CSMD1: variants seen among roughly 807,000 people sequenced by gnomAD.
CSMD1 encodes CUB and sushi domain-containing protein 1.
In CSMD1, 213 loss-of-function variants were observed where a neutral mutation model predicts 417.5. The observed-to-expected ratio is 0.51, with a 90% confidence interval of 0.46 to 0.57. The LOEUF is 0.57. Among genes scored for constraint, CSMD1 ranks in the 20% least tolerant of loss-of-function variants. The probability of loss-of-function intolerance (pLI) is 0.00; values close to 1 mark genes in which losing one functional copy is unlikely to be tolerated. For synonymous variants in CSMD1, 2,862 were observed against 1,736.8 expected (o/e 1.65, Z -16.11); for missense variants, 6,923 against 4,529.7 (o/e 1.53, Z -15.17).
chr8:4,402,777 G>A (rs1333441832), intron 3 of CSMD1, among the ~76,000 whole-genome samples: 1 of 146,176 alleles, frequency 6.8e-6, no homozygotes, highest in South Asian at 2.2e-4. Context: ...TTGATGCTGT[G>A]AGTATAATGT....
At chr8:4,284,399 G>C (rs1342609204) in intron 3 of CSMD1, among the ~76,000 whole-genome samples, 1 of 100,978 alleles carries the variant, frequency 9.9e-6, no homozygotes, top group Admixed American at 1.6e-4. Context: ...AAAGAGAAAG[G>C]TTGTTCTTCA....
chr8:4,551,175 C>T (rs1351035924), intron 2 of CSMD1, among the ~76,000 whole-genome samples: 1 of 152,134 alleles, frequency 6.6e-6, no homozygotes, highest in Non-Finnish European at 1.5e-5. Context: ...TTACCTTCCA[C>T]GGACTCAGCT....
At chr8:4,183,222 T>C (rs916320377) in intron 3 of CSMD1, among the ~76,000 whole-genome samples, 5 of 152,118 alleles carry the variant, frequency 3.3e-5, no homozygotes, top group African/African-American at 1.2e-4. Context: ...GTTTGGAAAA[T>C]GGAGAAGATC....
chr8:3,730,464 G>A (rs965064745), intron 6 of CSMD1, among the ~76,000 whole-genome samples: 47 of 149,912 alleles, frequency 3.1e-4, no homozygotes, highest in African/African-American at 1.1e-3. Context: ...GTCTAAGAAG[G>A]CTCTCAAGAG....
At chr8:4,603,021 G>T (rs1292338418) in intron 2 of CSMD1, among the ~76,000 whole-genome samples, 1 of 151,782 alleles carries the variant, frequency 6.6e-6, no homozygotes, top group Non-Finnish European at 1.5e-5. Flanking sequence ...ATAAAATATT[G>T]ATTCTCCAAC....
intron 5 of CSMD1, among the ~76,000 whole-genome samples, chr8:3,795,080 C>T (rs74688809): frequency 0.75 from 68,062 of 90,376 alleles, 27,293 homozygotes; most frequent in Middle Eastern, 0.82. Flanking sequence ...CTATCATGTA[C>T]AGCTATAGAT....
At position 3,559,035 on chromosome 8, in the gene CSMD1, G is replaced by A. The variant is rs117989504; in HGVS notation, c.1344+15910C>T. On this transcript the variant is annotated intron_variant, in intron 10 of 69. Transcript: ENST00000635120. ...TCTGGTGACCTGTCATGAAAGATTG[G>A]TGACATGTAAAGGACCATGGAGAAG... Among the ~76,000 whole-genome samples, 84 of 152,304 alleles carry A rather than the reference G, an allele frequency of 5.5e-4. No individual in the cohort carries two copies. The East Asian group carries it at 0.016, about 29-fold the overall frequency.
At chr8:3,282,291 G>C (rs1459070461) in intron 26 of CSMD1, among the ~76,000 whole-genome samples, 2 of 152,092 alleles carry the variant, frequency 1.3e-5, no homozygotes, top group East Asian at 3.9e-4. Flanking sequence ...CAGGGAGGAG[G>C]CTGTGTGCTG....
At chr8:4,004,495 T>A (rs1815953089) in intron 4 of CSMD1, among the ~76,000 whole-genome samples, 1 of 152,046 alleles carries the variant, frequency 6.6e-6, no homozygotes, top group African/African-American at 2.4e-5. Flanking sequence ...TATATCTGGA[T>A]TTTTGTGTTA....
intron 3 of CSMD1, among the ~76,000 whole-genome samples, chr8:4,105,635 G>C (rs910278143): frequency 6.6e-6 from 1 of 152,206 alleles, no homozygotes; most frequent in Non-Finnish European, 1.5e-5. Context: ...AAGGGGATTG[G>C]AGTAGCAGGT....
chr8:4,098,709 C>G (rs995512825), intron 3 of CSMD1, among the ~76,000 whole-genome samples: 1 of 152,202 alleles, frequency 6.6e-6, no homozygotes, highest in African/African-American at 2.4e-5. Flanking sequence ...AGCACCTACT[C>G]TAGGTTTATT....
chr8:4,388,227 T>C (rs948364750), intron 3 of CSMD1, among the ~76,000 whole-genome samples: 1 of 151,972 alleles, frequency 6.6e-6, no homozygotes, highest in Non-Finnish European at 1.5e-5. Flanking sequence ...CATGCGTGTT[T>C]ACAGTGGAAT....
chr8:3,109,842 C>G (rs1816385688), intron 43 of CSMD1, among the ~76,000 whole-genome samples: 1 of 151,588 alleles, frequency 6.6e-6, no homozygotes, highest in Admixed American at 6.6e-5. Context: ...CCACACACAC[C>G]ACACAGACAC....
At chr8:4,800,748 T>C (rs922039996) in intron 1 of CSMD1, among the ~76,000 whole-genome samples, 2 of 152,148 alleles carry the variant, frequency 1.3e-5, no homozygotes, top group African/African-American at 2.4e-5. Flanking sequence ...CTGGCCACTT[T>C]GGTGGGATGG....
intron 4 of CSMD1, among the ~76,000 whole-genome samples, chr8:4,017,722 C>T (rs541054701): frequency 7.3e-4 from 111 of 152,140 alleles, no homozygotes; most frequent in African/African-American, 2.6e-3. Context: ...CTTTGTGCCT[C>T]GGCATTGTGT....
At chr8:3,389,582 C>T (rs181513533) in intron 17 of CSMD1, among the ~76,000 whole-genome samples, 12 of 151,976 alleles carry the variant, frequency 7.9e-5, no homozygotes, top group Admixed American at 2.0e-4. Flanking sequence ...GTATGCACTA[C>T]GGCAAAACAG....
At chr8:4,901,539 A>C (rs181212738) in intron 1 of CSMD1, among the ~76,000 whole-genome samples, 57 of 151,758 alleles carry the variant, frequency 3.8e-4, no homozygotes, top group African/African-American at 1.3e-3. Flanking sequence ...AATTCATATG[A>C]TCTCCCCACC....
intron 54 of CSMD1, among the ~76,000 whole-genome samples, chr8:2,990,002 T>A (rs1685102566): frequency 6.6e-6 from 1 of 152,192 alleles, no homozygotes; most frequent in Non-Finnish European, 1.5e-5. Flanking sequence ...TAGAAGGCTC[T>A]AGGGGGATGG....
intron 3 of CSMD1, among the ~76,000 whole-genome samples, chr8:4,283,045 G>T (rs1379975671): frequency 5.3e-5 from 8 of 152,078 alleles, no homozygotes; most frequent in Non-Finnish European, 2.9e-5. Context: ...TAAAAAAAAT[G>T]CCTGATAGTT....
Sources: allele counts gnomAD v4.1 joint callset (sites outside exome capture counted in the v4.1 genomes callset), GRCh38; gene constraint gnomAD v4.1.1; transcripts MANE v1.5; gene names NCBI Gene and HGNC (gene_info 2026-07-23, HGNC 2026-07-21).